Variants in SH2D4A observed in about 807,000 individuals in gnomAD.
SH2D4A encodes the protein SH2 domain containing 4A.
In SH2D4A, 70 loss-of-function variants were observed where a neutral mutation model predicts 64.7. That is an observed-to-expected ratio of 1.08 (90% CI 0.89 to 1.32). SH2D4A has a LOEUF of 1.32. SH2D4A is among the 40% of genes most tolerant of loss of function. SH2D4A has a pLI of 0.00. For synonymous variants in SH2D4A, 268 were observed against 200.7 expected, an observed-to-expected ratio of 1.34 and a Z score of -2.83; for missense variants, 706 against 540.1, an observed-to-expected ratio of 1.31 and a Z score of -3.04.
At chr8:19,390,622 C>CA (rs1175690807) in intron 8 of SH2D4A, among the ~76,000 whole-genome samples, 8 of 151,970 alleles carry the variant, frequency 5.3e-5, no homozygotes, top group Non-Finnish European at 1.2e-4. Context: ...TCTTACAAAG[C>CA]AAAAAAAGCA....
chr8:19,374,103 C>T (rs1035692043), intron 8 of SH2D4A, among the ~76,000 whole-genome samples: 7 of 152,214 alleles, frequency 4.6e-5, no homozygotes, highest in Admixed American at 4.6e-4. Flanking sequence ...ATTTAAGCCT[C>T]ATTTTCCCCA....
chr8:19,316,635 C>G (rs2052093366), intron 1 of SH2D4A, among the ~76,000 whole-genome samples: 1 of 152,198 alleles, frequency 6.6e-6, no homozygotes, highest in African/African-American at 2.4e-5. Flanking sequence ...CAAGCACCAT[C>G]AGTTCAGCGT....
chr8:19,382,823 CTTTTTTTT>C (rs1159245319), intron 8 of SH2D4A, among the ~76,000 whole-genome samples: 8 of 64,628 alleles, frequency 1.2e-4, no homozygotes, highest in African/African-American at 2.3e-4. Flanking sequence ...TTTTAAGATT[CTTTTTTTT>C]TTTTTTTTTT....
intron 2 of SH2D4A, among the ~76,000 whole-genome samples, chr8:19,328,582 C>A (rs78931888): frequency 6.6e-6 from 1 of 152,054 alleles, no homozygotes; most frequent in African/African-American, 2.4e-5. Flanking sequence ...GACCCCTAGT[C>A]TCTCCCCATT....
chr8:19,361,465 C>T, intron 6 of SH2D4A, 151 bp downstream of exon 6: 1 of 749,318 alleles, frequency 1.3e-6, no homozygotes, highest in Non-Finnish European at 1.9e-6. Context: ...TAACTTATTA[C>T]TCAAATGCTT....
At chr8:19,388,183 G>C (rs2053422844) in intron 8 of SH2D4A, among the ~76,000 whole-genome samples, 1 of 152,212 alleles carries the variant, frequency 6.6e-6, no homozygotes, top group South Asian at 2.1e-4. Context: ...AAAGCATAGT[G>C]AGTTAAAAGC....
chr8:19,326,517 C>G (rs927633139), intron 2 of SH2D4A, among the ~76,000 whole-genome samples: 1 of 152,194 alleles, frequency 6.6e-6, no homozygotes, highest in African/African-American at 2.4e-5. Flanking sequence ...ACCACTGTCC[C>G]CTCTACCTCA....
At chr8:19,349,876 G>T (rs577719677) in intron 4 of SH2D4A, among the ~76,000 whole-genome samples, 2 of 152,288 alleles carry the variant, frequency 1.3e-5, no homozygotes, top group East Asian at 3.9e-4. Flanking sequence ...GCTAACTTTT[G>T]TATTTTTAGT....
chr8:19,325,486 C>T (rs930967826), intron 2 of SH2D4A, among the ~76,000 whole-genome samples: 2 of 152,168 alleles, frequency 1.3e-5, no homozygotes, highest in African/African-American at 4.8e-5. Context: ...TGGCCCTGAG[C>T]CCCACTTTTC....
intron 2 of SH2D4A, among the ~76,000 whole-genome samples, chr8:19,321,150 G>A (rs888158630): frequency 3.3e-5 from 5 of 152,052 alleles, no homozygotes; most frequent in Admixed American, 1.3e-4. Flanking sequence ...CAAAACTTCT[G>A]CAAAGTCAGC....
At chr8:19,318,643 T>A (rs778042103) in intron 1 of SH2D4A, among the ~76,000 whole-genome samples, 1 of 152,188 alleles carries the variant, frequency 6.6e-6, no homozygotes, top group African/African-American at 2.4e-5. Flanking sequence ...TTAAACTAGG[T>A]TATCTGGAAA....
At chr8:19,373,015 A>G (rs1377023660) in intron 7 of SH2D4A, among the ~76,000 whole-genome samples, 2 of 152,080 alleles carry the variant, frequency 1.3e-5, no homozygotes, top group Non-Finnish European at 2.9e-5. Flanking sequence ...TTTCCAGGAA[A>G]ATGTGCTGGG....
chr8:19,318,961 C>G (rs1471026516), intron 1 of SH2D4A, among the ~76,000 whole-genome samples: 1 of 151,568 alleles, frequency 6.6e-6, no homozygotes, highest in Non-Finnish European at 1.5e-5. Flanking sequence ...TTGCAGAGAG[C>G]CTTTTAATTT....
At chr8:19,340,231 C>CG (rs1256706974) in intron 4 of SH2D4A, among the ~76,000 whole-genome samples, 2 of 151,716 alleles carry the variant, frequency 1.3e-5, no homozygotes, top group South Asian at 4.2e-4. Flanking sequence ...AAAGCATTGT[C>CG]GGGGGGTGGG....
intron 4 of SH2D4A, among the ~76,000 whole-genome samples, chr8:19,352,096 A>T (rs1409676451): frequency 6.6e-6 from 1 of 152,202 alleles, no homozygotes; most frequent in Non-Finnish European, 1.5e-5. Flanking sequence ...AACCCTACTT[A>T]TAAACAAAGG....
rs185836618 is a variant in SH2D4A, at chr8:19,315,977, A to G, written c.-205+2154A>G. Among the ~76,000 whole-genome samples the G allele has an allele frequency of 7.6e-3, 1,155 of 152,344 alleles. 7 individuals are homozygous for G. The highest frequency in any genetic ancestry group is 0.013 in the Non-Finnish European group (907 of 68,034). ...TCCCAAGGAGGTGAGGTGACAGCACAGAGTCACACCGCTCACTAGAGGCGG... is the reference window on the plus strand; with the variant it reads ...TCCCAAGGAGGTGAGGTGACAGCACGGAGTCACACCGCTCACTAGAGGCGG... On this transcript the variant is annotated intron_variant, in intron 1 of 9. Transcript: ENST00000265807.
intron 8 of SH2D4A, among the ~76,000 whole-genome samples, chr8:19,374,093 A>T (rs1165324545): frequency 6.6e-6 from 1 of 152,222 alleles, no homozygotes; most frequent in Non-Finnish European, 1.5e-5. Context: ...TAGGAAATCA[A>T]TTTAAGCCTC....
intron 1 of SH2D4A, chr8:19,314,067 A>C: frequency 8.9e-7 from 1 of 1,122,558 alleles, no homozygotes; most frequent in South Asian, 4.3e-5. Context: ...CGGTGTCTGG[A>C]GCCGCTGGCT....
Position 19,373,455 on chromosome 8 carries a change from T to TATATATATATACACACACCC in SH2D4A, c.918-65_918-64insACACACACCCATATATATAT, listed in dbSNP as rs1554485279. 3,568 of 962,232 alleles carry TATATATATATACACACACCC rather than the reference T, an allele frequency of 3.7e-3. 88 individuals carry two copies. The African/African-American group carries it at 0.058, about 16-fold the overall frequency. The allele number at this position is 962,232 out of a possible 1,614,324, so 59.6% of individuals were successfully genotyped here. ...ATGTATGTGTGTGTGTATATATATA[T>TATATATATATACACACACCC]ATATATATATGACTTTTGAGGGCAT... On this transcript the variant is annotated intron_variant, in intron 7 of 9. Coordinates refer to ENST00000265807, the MANE Select transcript of SH2D4A (RefSeq NM_022071.4).
Sources: gnomAD v4.1 joint callset for allele counts (sites outside exome capture counted in the v4.1 genomes callset) on GRCh38, gnomAD v4.1.1 for gene constraint, MANE v1.5 for transcripts, NCBI Gene and HGNC (gene_info 2026-07-23, HGNC 2026-07-21) for gene names.